INPP5A: variants seen among roughly 807,000 people sequenced by gnomAD.
INPP5A encodes 43 kDa inositol polyphosphate 5-phophatase.
A neutral mutation model predicts 65.2 loss-of-function variants in INPP5A; 14 were observed. The observed-to-expected ratio is 0.21, with a 90% CI of 0.14 to 0.34. The LOEUF is 0.34. Ranked by LOEUF, INPP5A falls within the 10% of genes least tolerant of loss-of-function variation. The pLI is 1.00. For synonymous variants in INPP5A, 207 were observed against 208.3 expected (o/e 0.99, Z 0.05); for missense variants, 431 against 545.6 (o/e 0.79, Z 2.09).
chr10:132,689,096 A>G (rs1262675924), intron 4 of INPP5A, among the ~76,000 whole-genome samples: 1 of 152,222 alleles, frequency 6.6e-6, no homozygotes, highest in East Asian at 1.9e-4. Flanking sequence ...GTACAAGTGA[A>G]GCCTTGGAAT....
chr10:132,756,740 C>T (rs1304083820), intron 11 of INPP5A, among the ~76,000 whole-genome samples: 1 of 152,248 alleles, frequency 6.6e-6, no homozygotes, highest in Non-Finnish European at 1.5e-5. Flanking sequence ...AAAAAAGGTA[C>T]CTGTAAACAG....
rs2133368272 is a variant in INPP5A at position 132,627,321 on chromosome 10, C to T, written c.118-18547C>T. Among the ~76,000 whole-genome samples the T allele has an allele frequency of 6.6e-6, 1 of 152,108 alleles. No individual in the cohort carries two copies. Among genetic ancestry groups the T allele is most frequent in the African/African-American group, 2.4e-5 (1 of 41,384 alleles). On this transcript the variant is annotated intron_variant, in intron 2 of 15. Transcript: ENST00000368594. This position sits in a 1 kb window ranked among gnomAD's most constrained non-coding sequence, Gnocchi z 6.6. ...GGGAATACCTCACCTTGGGTGCTCCCAGGAGGCTTCACGGGGAGACCGGGG... is the reference window on the plus strand; with the variant it reads ...GGGAATACCTCACCTTGGGTGCTCCTAGGAGGCTTCACGGGGAGACCGGGG...
chr10:132,756,332 C>T (rs1383660221), intron 11 of INPP5A, among the ~76,000 whole-genome samples: 1 of 151,424 alleles, frequency 6.6e-6, no homozygotes, highest in Non-Finnish European at 1.5e-5. Flanking sequence ...TGTGTGCACT[C>T]GTGTGTGGTG....
chr10:132,635,983 C>CAAAAAAAAAAA (rs202003054), intron 2 of INPP5A, among the ~76,000 whole-genome samples: 4 of 49,236 alleles, frequency 8.1e-5, no homozygotes, highest in African/African-American at 2.5e-4. Flanking sequence ...ATCTCAAAGA[C>CAAAAAAAAAAA]AAAAAAAAAA....
chr10:132,561,742 A>G (rs139942126), intron 1 of INPP5A, among the ~76,000 whole-genome samples: 149 of 151,846 alleles, frequency 9.8e-4, no homozygotes, highest in African/African-American at 3.3e-3. Context: ...ACACACACAC[A>G]CACACACACA....
intron 11 of INPP5A, among the ~76,000 whole-genome samples, chr10:132,765,237 G>C (rs1184777132): frequency 1.3e-5 from 2 of 152,212 alleles, no homozygotes; most frequent in African/African-American, 2.4e-5. Flanking sequence ...TTTTGGAAGA[G>C]TCTCAGGGGG....
rs951101303 is a variant in INPP5A at position 132,575,144 on chromosome 10, G to A, written c.76-32771G>A. On this transcript the variant is annotated intron_variant, in intron 1 of 15. Transcript: ENST00000368594. The surrounding 1 kb of genome is among the most constrained non-coding windows in gnomAD (Gnocchi z 5.4). ...CAGCCTTCAGGCTCCCTGTCCAGCC[G>A]CTGGGACTCTGTTGAATGCTGCATT... 6.6e-6 allele frequency among the ~76,000 whole-genome samples: 1 copy of A among 152,196 alleles called. No homozygotes were observed.
chr10:132,757,491 C>T (rs981191860), intron 11 of INPP5A, among the ~76,000 whole-genome samples: 4 of 152,272 alleles, frequency 2.6e-5, no homozygotes, highest in East Asian at 1.9e-4. Context: ...CCTGGAGCCA[C>T]GGGCCTCCCA....
intron 3 of INPP5A, among the ~76,000 whole-genome samples, chr10:132,649,046 T>TA (rs1355354714): frequency 6.6e-6 from 1 of 152,254 alleles, no homozygotes; most frequent in Non-Finnish European, 1.5e-5. Flanking sequence ...CACAGGGCCC[T>TA]AAAGCTCTTC....
chr10:132,658,160 A>G (rs1240669836), intron 4 of INPP5A, among the ~76,000 whole-genome samples: 2 of 152,342 alleles, frequency 1.3e-5, no homozygotes, highest in South Asian at 2.1e-4. Flanking sequence ...GTAAATAAAC[A>G]CCTTCCGAAG....
intron 2 of INPP5A, among the ~76,000 whole-genome samples, chr10:132,639,046 G>T (rs937027398): frequency 2.6e-5 from 4 of 152,040 alleles, no homozygotes; most frequent in African/African-American, 9.7e-5. Flanking sequence ...TACCCTGGAG[G>T]CTCATTCTAT....
intron 1 of INPP5A, among the ~76,000 whole-genome samples, chr10:132,562,191 C>T (rs770100734): frequency 2.6e-5 from 4 of 152,240 alleles, no homozygotes; most frequent in South Asian, 2.1e-4. Flanking sequence ...CCTGCTGCAC[C>T]GCCCTCGCCC....
rs762268614 is a variant in INPP5A, at chr10:132,549,799, G to T, written c.75+11628G>T. On this transcript the variant is annotated intron_variant, in intron 1 of 15. Coordinates refer to ENST00000368594, the MANE Select transcript of INPP5A (RefSeq NM_005539.5). This position sits in a 1 kb window ranked among gnomAD's most constrained non-coding sequence, Gnocchi z 4.9. ...GCCCCTGGTCTGAATGGTGGGGTTG[G>T]TGTGTCTCTGTTACAGGATTGGTGT... Among the ~76,000 whole-genome samples the T allele has an allele frequency of 1.7e-4, 26 of 152,268 alleles. No individual in the cohort carries two copies. The highest frequency in any genetic ancestry group is 2.9e-4 in the Non-Finnish European group (20 of 68,046).
chr10:132,738,396 G>A (rs1050917343), intron 9 of INPP5A, among the ~76,000 whole-genome samples: 9 of 152,256 alleles, frequency 5.9e-5, no homozygotes, highest in African/African-American at 1.2e-4. Flanking sequence ...TGTGTCCTGC[G>A]TCCCCCTCCC....
chr10:132,711,980 G>C (rs1845644712), intron 8 of INPP5A, among the ~76,000 whole-genome samples: 1 of 152,222 alleles, frequency 6.6e-6, no homozygotes, highest in Admixed American at 6.5e-5. Flanking sequence ...CCCTGCCCCA[G>C]AGTCATGTGT....
chr10:132,674,280 A>G lies in INPP5A; in HGVS notation c.307-16112A>G, dbSNP rs760039541. Among the ~76,000 whole-genome samples, 15 of 152,204 alleles carry G rather than the reference A, an allele frequency of 9.9e-5. No individual in the cohort carries two copies. Among genetic ancestry groups the G allele is most frequent in the Non-Finnish European group, 1.9e-4 (13 of 68,042 alleles). On this transcript the variant is annotated intron_variant, in intron 4 of 15. Coordinates refer to ENST00000368594, the MANE Select transcript of INPP5A (RefSeq NM_005539.5). This position sits in a 1 kb window ranked among gnomAD's most constrained non-coding sequence, Gnocchi z 4.4. ...CCAGCCAAACCATTGGCTACGGCCC[A>G]TGAATCAGTATATAATCACACATCT...
chr10:132,559,670 G>T (rs529279685), intron 1 of INPP5A, among the ~76,000 whole-genome samples: 12 of 145,856 alleles, frequency 8.2e-5, no homozygotes, highest in African/African-American at 3.0e-4. Flanking sequence ...AGGGACCTCA[G>T]TTACTCAGCA....
rs1846536343 is a variant in INPP5A at position 132,753,608 on chromosome 10, GTGCCC to G, written c.903+3766_903+3770del. The stretch of plus-strand genomic sequence containing the variant: ...GTAGCTGTCAGGGCTGCAGGATGGA[GTGCCC>G]TGGTGAGGATTTGGAGAGATTAAAT... On this transcript the variant is annotated intron_variant, in intron 11 of 15. Coordinates refer to ENST00000368594, the MANE Select transcript of INPP5A (RefSeq NM_005539.5). This position sits in a 1 kb window ranked among gnomAD's most constrained non-coding sequence, Gnocchi z 5.3. Among the ~76,000 whole-genome samples the G allele has an allele frequency of 1.3e-5, 2 of 152,190 alleles. No individual in the cohort carries two copies. Among genetic ancestry groups the G allele is most frequent in the African/African-American group, 2.4e-5 (1 of 41,438 alleles).
At chr10:132,723,536 T>C (rs1162546324) in intron 8 of INPP5A, among the ~76,000 whole-genome samples, 3 of 146,882 alleles carry the variant, frequency 2.0e-5, no homozygotes, top group African/African-American at 7.7e-5. Flanking sequence ...CATGTGGGGA[T>C]TGGCCGTGTG....
Sources: gnomAD v4.1 joint callset for allele counts (sites outside exome capture counted in the v4.1 genomes callset) on GRCh38, gnomAD v4.1.1 for gene constraint, Gnocchi (gnomAD v3.1) non-coding constraint, MANE v1.5 for transcripts, NCBI Gene and HGNC (gene_info 2026-07-23, HGNC 2026-07-21) for gene names.